SPSB1: variants seen among roughly 807,000 people sequenced by gnomAD.
SPSB1 encodes the protein splA/ryanodine receptor domain and SOCS box containing 1, also known as SPRY domain-containing SOCS box protein 1.
In SPSB1, 8 loss-of-function variants were observed where a neutral mutation model predicts 21.2. That is an observed-to-expected ratio of 0.38 (90% CI 0.22 to 0.68). The LOEUF is 0.68. Ranked by LOEUF, SPSB1 falls within the 30% of genes least tolerant of loss-of-function variation. SPSB1 has a pLI of 0.53. For synonymous variants in SPSB1, 169 were observed against 161.7 expected (o/e 1.05, Z -0.34); for missense variants, 242 against 377.8 (o/e 0.64, Z 2.98).
chr1:9,304,808 G>A (rs1429620545), intron 1 of SPSB1, among the ~76,000 whole-genome samples: 32 of 152,108 alleles, frequency 2.1e-4, no homozygotes, highest in Admixed American at 1.9e-3. Flanking sequence ...CAGTAGCTGG[G>A]ACTATCGGTG....
chr1:9,358,994 T>G (rs1393925369), intron 2 of SPSB1, among the ~76,000 whole-genome samples: 1 of 152,140 alleles, frequency 6.6e-6, no homozygotes, highest in African/African-American at 2.4e-5. Context: ...TAATTTTCCT[T>G]GTTTGGAAAA....
intron 2 of SPSB1, among the ~76,000 whole-genome samples, chr1:9,366,403 G>A (rs188912479): frequency 6.6e-5 from 10 of 152,210 alleles, no homozygotes; most frequent in Non-Finnish European, 1.2e-4. Flanking sequence ...CCTTCAGGCC[G>A]TGGGGCCAGC....
intron 1 of SPSB1, among the ~76,000 whole-genome samples, chr1:9,338,045 G>A (rs1640032174): frequency 6.6e-6 from 1 of 152,204 alleles, no homozygotes; most frequent in Non-Finnish European, 1.5e-5. Flanking sequence ...TGGGGTGCAG[G>A]GAAGAGGGAG....
intron 1 of SPSB1, among the ~76,000 whole-genome samples, chr1:9,316,706 GCCTTC>G (rs1457540149): frequency 6.6e-6 from 1 of 152,220 alleles, no homozygotes; most frequent in Non-Finnish European, 1.5e-5. Flanking sequence ...CGCGGCACGG[GCCTTC>G]GTCAGGACCA....
chr1:9,350,420 T>A (rs541599604), intron 1 of SPSB1, among the ~76,000 whole-genome samples: 8 of 152,332 alleles, frequency 5.3e-5, no homozygotes, highest in African/African-American at 1.9e-4. Context: ...TGGTGACTAA[T>A]GCAAGAGTGT....
rs1486789381 is a variant in SPSB1, at chr1:9,292,951, G to T, written c.-270G>T. The stretch of plus-strand genomic sequence containing the variant: ...TCGCAGCAGGAACCAGGCTCCAGGC[G>T]CCGGCGCCGGGGCCGGGGCCGCGGG... On this transcript the variant is annotated 5_prime_UTR_variant, in exon 1 of 3. Coordinates refer to ENST00000328089, the MANE Select transcript of SPSB1 (RefSeq NM_025106.4). The T allele has an allele frequency of 3.1e-6, 2 of 654,048 alleles. No individual in the cohort carries two copies. The highest frequency in any genetic ancestry group is 3.3e-6 in the Non-Finnish European group (2 of 597,366). The allele number at this position is 654,048 out of a possible 1,614,324, so 40.5% of individuals were successfully genotyped here. A position where few individuals can be genotyped will look rare whatever the true frequency, so the allele number is the denominator to read the frequency against.
intron 1 of SPSB1, among the ~76,000 whole-genome samples, chr1:9,349,509 C>A (rs1053238603): frequency 6.6e-6 from 1 of 152,230 alleles, no homozygotes; most frequent in East Asian, 1.9e-4. Context: ...GGCGCCAGCG[C>A]CGTAGATGCG....
At chr1:9,330,055 C>G (rs1639889104) in intron 1 of SPSB1, among the ~76,000 whole-genome samples, 1 of 152,196 alleles carries the variant, frequency 6.6e-6, no homozygotes, top group Non-Finnish European at 1.5e-5. Context: ...TCTCTTACCT[C>G]CATTCTGAGG....
chr1:9,338,653 G>A (rs141240826), intron 1 of SPSB1, among the ~76,000 whole-genome samples: 313 of 152,386 alleles, frequency 2.1e-3, no homozygotes, highest in Middle Eastern at 6.8e-3. Context: ...GAAGGGAATC[G>A]TGCTGGCTTC....
intron 1 of SPSB1, among the ~76,000 whole-genome samples, chr1:9,325,663 T>C (rs534027491): frequency 6.6e-6 from 1 of 152,264 alleles, no homozygotes; most frequent in African/African-American, 2.4e-5. Context: ...TTCCAGCCCC[T>C]GTGTTCTCAC....
rs1020402961 is a variant in SPSB1, at chr1:9,356,398, G to T, written c.507G>T (p.Glu169Asp). The change falls in exon 2 of 3, where the codon GAG becomes GAT. Residue 169 changes from glutamate to aspartate, a missense_variant. Physicochemically the swap from Glu to Asp is conservative, Grantham distance 45. Transcript: ENST00000328089. The surrounding 1 kb of genome is among the most constrained non-coding windows in gnomAD (Gnocchi z 7.4). Reference protein sequence around the residue: ...KTYPAFLEPDETFIVPDSFLV... With the variant: ...KTYPAFLEPDDTFIVPDSFLV... The stretch of plus-strand genomic sequence containing the variant: ...ACCCAGCCTTTCTGGAACCAGATGA[G>T]ACATTCATTGTCCCTGACTCCTTCC... 1 of 1,614,162 alleles carries T rather than the reference G, an allele frequency of 6.2e-7. No individual in the cohort carries two copies. Among genetic ancestry groups the T allele is most frequent in the African/African-American group, 1.3e-5 (1 of 75,056 alleles).
At position 9,355,887 on chromosome 1, in the gene SPSB1, C is replaced by T. The variant is rs377154058; in HGVS notation, c.-5C>T. 14 of 1,543,320 alleles carry T rather than the reference C, an allele frequency of 9.1e-6. No homozygotes were observed. Among genetic ancestry groups the T allele is most frequent in the South Asian group, 3.7e-5 (3 of 80,762 alleles). ...GTCGGTAAGAAGGTGAAGCCAGGGGCGAACATGGGTCAGAAGGTCACTGGA... is the reference window on the plus strand; with the variant it reads ...GTCGGTAAGAAGGTGAAGCCAGGGGTGAACATGGGTCAGAAGGTCACTGGA... On this transcript the variant is annotated 5_prime_UTR_variant, in exon 2 of 3. Transcript: ENST00000328089.
chr1:9,295,284 C>T (rs1639203044), intron 1 of SPSB1, among the ~76,000 whole-genome samples: 1 of 151,914 alleles, frequency 6.6e-6, no homozygotes, highest in East Asian at 1.9e-4. Context: ...CTAAGGCAAT[C>T]ACTTTACAAG....
chr1:9,350,067 CCACA>C (rs1640231864), intron 1 of SPSB1, among the ~76,000 whole-genome samples: 1 of 151,946 alleles, frequency 6.6e-6, no homozygotes, highest in Non-Finnish European at 1.5e-5. Context: ...TCCAGACACA[CCACA>C]CACACAGATA....
intron 2 of SPSB1, among the ~76,000 whole-genome samples, chr1:9,364,838 TGTTGTTGTC>T (rs1281452100): frequency 4.6e-5 from 7 of 152,024 alleles, no homozygotes; most frequent in Non-Finnish European, 1.0e-4. Context: ...GTTTTGTTGT[TGTTGTTGTC>T]GTTGTTGTTG....
chr1:9,299,355 G>A (rs1351445629), intron 1 of SPSB1, among the ~76,000 whole-genome samples: 1 of 152,184 alleles, frequency 6.6e-6, no homozygotes, highest in African/African-American at 2.4e-5. Context: ...ATATCATACT[G>A]GGGCTGGGCA....
intron 1 of SPSB1, among the ~76,000 whole-genome samples, chr1:9,308,086 C>G (rs1639451599): frequency 6.6e-6 from 1 of 152,196 alleles, no homozygotes; most frequent in African/African-American, 2.4e-5. Flanking sequence ...CCGTCTGGGA[C>G]CAGAACTTCA....
intron 1 of SPSB1, among the ~76,000 whole-genome samples, chr1:9,327,345 C>T (rs556740198): frequency 1.3e-5 from 2 of 152,304 alleles, no homozygotes; most frequent in East Asian, 3.9e-4. Flanking sequence ...ATATGTATGT[C>T]TTTGGCAGAT....
At chr1:9,309,185 G>A (rs1639472379) in intron 1 of SPSB1, among the ~76,000 whole-genome samples, 1 of 150,814 alleles carries the variant, frequency 6.6e-6, no homozygotes, top group Admixed American at 6.6e-5. Context: ...GCACTTCCAT[G>A]CCATTCACCT....
Sources: gnomAD v4.1 joint callset for allele counts (sites outside exome capture counted in the v4.1 genomes callset) on GRCh38, gnomAD v4.1.1 for gene constraint, Gnocchi (gnomAD v3.1) non-coding constraint, MANE v1.5 for transcripts, NCBI Gene and HGNC (gene_info 2026-07-23, HGNC 2026-07-21) for gene names.